PKD2: variants seen among roughly 807,000 people sequenced by gnomAD.
PKD2 encodes the protein polycystin 2, transient receptor potential cation channel.
A neutral mutation model predicts 105.9 loss-of-function variants in PKD2; 48 were observed. That is an observed-to-expected ratio of 0.45 (90% confidence interval 0.36 to 0.58). PKD2 has a LOEUF of 0.58. Ranked by LOEUF, PKD2 falls within the 20% of genes least tolerant of loss-of-function variation. PKD2 has a pLI of 0.00. For missense variants in PKD2, 1,078 were observed against 1,255.3 expected, an observed-to-expected ratio of 0.86 and a Z score of 2.13; for synonymous variants, 464 against 481.1, an observed-to-expected ratio of 0.96 and a Z score of 0.46.
intron 2 of PKD2, 88 bp from the exon 3 acceptor site, chr4:88,036,132 A>G (rs1260067758): frequency 5.0e-6 from 8 of 1,610,608 alleles, no homozygotes; most frequent in Non-Finnish European, 6.8e-6. Flanking sequence ...ATGTTTATCC[A>G]CAGGAACAAT....
chr4:88,025,148 A>G (rs1200163357), intron 2 of PKD2, among the ~76,000 whole-genome samples: 1 of 151,902 alleles, frequency 6.6e-6, no homozygotes, highest in Non-Finnish European at 1.5e-5. Context: ...TCAGAAAAAG[A>G]AAAGAAAAGA....
intron 4 of PKD2, among the ~76,000 whole-genome samples, chr4:88,039,893 C>T (rs922459216): frequency 6.6e-6 from 1 of 152,112 alleles, no homozygotes; most frequent in African/African-American, 2.4e-5. Flanking sequence ...GAGAATATGC[C>T]ACCATGCCCA....
chr4:88,075,527 G>A lies in PKD2; in HGVS notation c.2740G>A (p.Glu914Lys). The part of the protein sequence containing the change: ...QMERLVREEL[E>K]RWESDDAASQ... ...GGAACGGCTAGTACGTGAAGAGTTGGAACGCTGGGAATCCGATGATGCAGC... is the reference window on the plus strand; with the variant it reads ...GGAACGGCTAGTACGTGAAGAGTTGAAACGCTGGGAATCCGATGATGCAGC... The change falls in exon 15 of 15, where the codon GAA (glutamate) becomes AAA (lysine). Residue 914 changes from glutamate (E) to lysine (K), a missense_variant. Coordinates refer to ENST00000237596, the MANE Select transcript of PKD2 (RefSeq NM_000297.4). The A allele has an allele frequency of 6.2e-7, 1 of 1,614,176 alleles. No individual in the cohort carries two copies. The highest frequency in any genetic ancestry group is 8.5e-7 in the Non-Finnish European group (1 of 1,180,022).
intron 1 of PKD2, 33 bp from the exon 2 acceptor site, chr4:88,019,425 A>G (rs1553924147): frequency 4.7e-6 from 5 of 1,073,410 alleles, no homozygotes; most frequent in South Asian, 3.9e-5. Flanking sequence ...AAATAAAATG[A>G]TATCTTTTCT....
intron 2 of PKD2, among the ~76,000 whole-genome samples, chr4:88,028,009 A>G (rs1268045119): frequency 6.6e-6 from 1 of 152,252 alleles, no homozygotes; most frequent in Non-Finnish European, 1.5e-5. Context: ...AAAATGGACT[A>G]CTACAGAAAG....
At chr4:88,047,977 A>G (rs765592632) in intron 6 of PKD2, among the ~76,000 whole-genome samples, 2 of 152,242 alleles carry the variant, frequency 1.3e-5, no homozygotes, top group Non-Finnish European at 2.9e-5. Context: ...CACTTAATTA[A>G]GCATCCGTCA....
intron 13 of PKD2, among the ~76,000 whole-genome samples, chr4:88,071,932 C>T (rs944721648): frequency 2.0e-5 from 3 of 146,630 alleles, no homozygotes; most frequent in African/African-American, 7.5e-5. Context: ...GTCTGATCCA[C>T]TTAAATTCAG....
chr4:88,070,586 A>T (rs1168997424), intron 13 of PKD2, among the ~76,000 whole-genome samples: 4 of 99,420 alleles, frequency 4.0e-5, no homozygotes, highest in Non-Finnish European at 6.1e-5. Flanking sequence ...ATATATATAT[A>T]TATATATATA....
chr4:88,032,429 C>T (rs532504447), intron 2 of PKD2, among the ~76,000 whole-genome samples: 103 of 152,230 alleles, frequency 6.8e-4, no homozygotes, highest in African/African-American at 2.2e-3. Flanking sequence ...TTTCGGAGGC[C>T]GAGGTGGGCA....
chr4:88,060,725 T>C (rs1720541998), intron 9 of PKD2, among the ~76,000 whole-genome samples: 1 of 152,130 alleles, frequency 6.6e-6, no homozygotes, highest in Non-Finnish European at 1.5e-5. Context: ...AAGTTTGTTG[T>C]TGGAAATGCA....
chr4:88,007,763 GC>G lies in PKD2; in HGVS notation c.31del (p.Gln11SerfsTer19). 1 of 1,194,798 alleles carries G rather than the reference GC, an allele frequency of 8.4e-7. No individual in the cohort carries two copies. The highest frequency in any genetic ancestry group is 1.0e-6 in the Non-Finnish European group (1 of 953,552). 74.0% of individuals were successfully genotyped at this position (1,194,798 alleles called of 1,614,324 possible). ...TGAACTCCAGTCGCGTGCAGCCTCAGCAGCCCGGGGACGCCAAGCGGCCGCC... is the reference window on the plus strand; with the variant it reads ...TGAACTCCAGTCGCGTGCAGCCTCAGAGCCCGGGGACGCCAAGCGGCCGCC... MVNSSRVQPQ[Q>X]PGDAKRPPAP... is the part of the protein sequence containing the mutation. On this transcript the variant is annotated frameshift_variant, in exon 1 of 15. Transcript: ENST00000237596. LOFTEE classifies it high-confidence loss of function.
chr4:88,044,331 A>C (rs1220276843), intron 5 of PKD2, among the ~76,000 whole-genome samples: 1 of 150,234 alleles, frequency 6.7e-6, no homozygotes, highest in Admixed American at 6.7e-5. Flanking sequence ...GCAACACCCA[A>C]ACATCACTAA....
chr4:88,051,930 A>G, intron 6 of PKD2, 61 bp from the exon 7 acceptor site: 1 of 917,118 alleles, frequency 1.1e-6, no homozygotes, highest in Non-Finnish European at 1.8e-6. Context: ...TACTAGTCAT[A>G]TTAAGGTAAG....
chr4:88,075,890 A>G lies in PKD2; in HGVS notation c.*196A>G, dbSNP rs1168366256. On this transcript the variant is annotated 3_prime_UTR_variant, in exon 15 of 15. Coordinates refer to ENST00000237596, the MANE Select transcript of PKD2 (RefSeq NM_000297.4). ...AAAGATTTTTTTTTCTTTTTCTCATATAAGAAATCTAGGTGTAAATATTGA... is the reference window on the plus strand; with the variant it reads ...AAAGATTTTTTTTTCTTTTTCTCATGTAAGAAATCTAGGTGTAAATATTGA... 1.2e-5 allele frequency: 7 copies of G among 599,642 alleles called. No individual in the cohort carries two copies. The highest frequency in any genetic ancestry group is 9.8e-5 in the South Asian group (5 of 51,216). The allele number at this position is 599,642 out of a possible 1,614,324, so 37.1% of individuals were successfully genotyped here.
In PKD2 at chr4:88,075,754, G is replaced by A. The variant is rs1310749746; in HGVS notation, c.*60G>A. ...GAGGAAGTGGCTGTCCTGAATTGCT[G>A]TAACAAGCACACTATTTATATGCCC... On this transcript the variant is annotated 3_prime_UTR_variant, in exon 15 of 15. Coordinates refer to ENST00000237596, the MANE Select transcript of PKD2 (RefSeq NM_000297.4). The A allele has an allele frequency of 1.7e-6, 2 of 1,191,056 alleles. No individual in the cohort carries two copies. The highest frequency in any genetic ancestry group is 2.5e-6 in the Non-Finnish European group (2 of 804,126). 73.8% of individuals were successfully genotyped at this position (1,191,056 alleles called of 1,614,324 possible).
rs1373000916 is a variant in PKD2 at position 88,019,527 on chromosome 4, G to A, written c.665G>A (p.Arg222Gln). Residue 222 changes from arginine (R) to glutamine (Q), a missense_variant, in exon 2 of 15, where the codon CGG becomes CAG. Arg to Gln is a conservative substitution (Grantham distance 43). Coordinates refer to ENST00000237596, the MANE Select transcript of PKD2 (RefSeq NM_000297.4). ...GAGAAATACCTTAAAAGTGTTTTAC[G>A]GGAACTGGTCACATACCTCCTTTTT... ...NREKYLKSVL[R>Q]ELVTYLLFLI... The A allele has an allele frequency of 1.7e-5, 27 of 1,605,956 alleles. No individual in the cohort carries two copies. Among genetic ancestry groups the A allele is most frequent in the East Asian group, 6.7e-5 (3 of 44,810 alleles).
At position 88,052,106 on chromosome 4, in the gene PKD2, A is replaced by C; in HGVS notation, c.1664A>C (p.Gln555Pro). The C allele has an allele frequency of 6.2e-7, 1 of 1,608,656 alleles. No individual in the cohort carries two copies. Among genetic ancestry groups the C allele is most frequent in the South Asian group, 1.1e-5 (1 of 90,858 alleles). The change falls in exon 7 of 15, where the codon CAG (glutamine) becomes CCG (proline). Residue 555 changes from glutamine to proline, a missense_variant. By Grantham distance (76) the Gln-to-Pro change is moderately conservative. Transcript: ENST00000237596. ...FPNFEHLAYW[Q>P]IQFNNIAAVT... is the part of the protein sequence containing the mutation. ...AACTTTGAGCATCTGGCATATTGGC[A>C]GATACAGTTCAACAATATAGCTGCT...
chr4:88,060,445 T>C (rs1720527456), intron 9 of PKD2, among the ~76,000 whole-genome samples: 1 of 151,134 alleles, frequency 6.6e-6, no homozygotes, highest in South Asian at 2.1e-4. Context: ...TATATCCATA[T>C]ATATATATAT....
chr4:88,049,186 G>A (rs553815973), intron 6 of PKD2, among the ~76,000 whole-genome samples: 3 of 152,270 alleles, frequency 2.0e-5, no homozygotes, highest in Admixed American at 2.0e-4. Flanking sequence ...ATCTTTATTT[G>A]TAAATTGTGT....
Sources: gnomAD v4.1 joint callset for allele counts (sites outside exome capture counted in the v4.1 genomes callset) on GRCh38, gnomAD v4.1.1 for gene constraint, MANE v1.5 for transcripts, NCBI Gene and HGNC (gene_info 2026-07-23, HGNC 2026-07-21) for gene names.